CPLANE1: variants seen among roughly 807,000 people sequenced by gnomAD.
The protein encoded by CPLANE1 is ciliogenesis and planar polarity effector 1.
In CPLANE1, 263 loss-of-function variants were observed where a neutral mutation model predicts 362.5. The ratio of observed to expected loss-of-function variants is 0.73; its 90% CI spans 0.66 to 0.80. The LOEUF (loss-of-function observed/expected upper bound fraction) is 0.80, where lower values mean the gene tolerates loss of function less well. Among genes scored for constraint, CPLANE1 ranks in the 30% least tolerant of loss-of-function variants. CPLANE1 has a pLI of 0.00. For missense variants in CPLANE1, 3,461 were observed against 3,793.4 expected, an observed-to-expected ratio of 0.91 and a Z score of 2.30; for synonymous variants, 1,212 against 1,302.6, an observed-to-expected ratio of 0.93 and a Z score of 1.50.
chr5:37,229,411 C>T (rs1003288925), intron 9 of CPLANE1, among the ~76,000 whole-genome samples: 2 of 151,316 alleles, frequency 1.3e-5, no homozygotes, highest in Non-Finnish European at 2.9e-5. Flanking sequence ...TGGTGGCGGG[C>T]GCCTGTAGTC....
intron 16 of CPLANE1, chr5:37,210,009 T>C (rs1035205932): frequency 5.9e-6 from 5 of 853,406 alleles, no homozygotes; most frequent in Non-Finnish European, 9.9e-6. Context: ...GGAAGAAATA[T>C]GTCAAAAGTT....
At chr5:37,241,007 G>A (rs1246871364) in intron 6 of CPLANE1, among the ~76,000 whole-genome samples, 3 of 151,592 alleles carry the variant, frequency 2.0e-5, no homozygotes, top group Admixed American at 2.0e-4. Flanking sequence ...GTGGGGGTGC[G>A]CACCTGTAGT....
chr5:37,218,347 C>T (rs923904832), intron 15 of CPLANE1, among the ~76,000 whole-genome samples: 3 of 152,146 alleles, frequency 2.0e-5, no homozygotes, highest in Admixed American at 6.5e-5. Flanking sequence ...ATGAACTTCC[C>T]TGGTAGACTA....
intron 15 of CPLANE1, among the ~76,000 whole-genome samples, chr5:37,218,685 C>T (rs867046991): frequency 1.3e-5 from 2 of 152,144 alleles, no homozygotes; most frequent in East Asian, 1.9e-4. Flanking sequence ...CGGTGGCTCA[C>T]GCTTGTAATC....
chr5:37,242,230 T>C (rs1002451821), intron 6 of CPLANE1, among the ~76,000 whole-genome samples: 6 of 151,926 alleles, frequency 3.9e-5, no homozygotes, highest in Non-Finnish European at 8.8e-5. Context: ...GGCGGGCACC[T>C]GTAGTCCCAG....
At chr5:37,231,974 C>T (rs1797824643) in intron 8 of CPLANE1, among the ~76,000 whole-genome samples, 1 of 151,684 alleles carries the variant, frequency 6.6e-6, no homozygotes, top group African/African-American at 2.4e-5. Context: ...GAGAAATTTA[C>T]CAAAGAGAAA....
Position 37,120,329 on chromosome 5 carries a change from T to C in CPLANE1, c.9197A>G (p.His3066Arg), listed in dbSNP as rs763568516. The C allele has an allele frequency of 1.3e-6, 2 of 1,583,838 alleles. No homozygotes were observed. The highest frequency in any genetic ancestry group is 1.9e-5 in the Admixed American group (1 of 51,604). The change falls in exon 50 of 53, where the codon CAT becomes CGT. Residue 3066 changes from histidine (H) to arginine (R), a missense_variant. Physicochemically the swap from His to Arg is conservative, Grantham distance 29. This residue lies in a region of CPLANE1 where 3,380 missense variants were observed against 3,666.1 expected (regional missense o/e 0.92). Coordinates refer to ENST00000651892, the MANE Select transcript of CPLANE1 (RefSeq NM_001384732.1). ...HCPSPRGENQ[H>R]GHSFLINRPG... ...TCGATTTATTAGAAAACTGTGACCATGTTGATTCTCTCTATAGTAGAAATC... is the reference window on the plus strand; with the variant it reads ...TCGATTTATTAGAAAACTGTGACCACGTTGATTCTCTCTATAGTAGAAATC...
At chr5:37,132,343 T>TG (rs1176984903) in intron 46 of CPLANE1, among the ~76,000 whole-genome samples, 21 of 135,518 alleles carry the variant, frequency 1.5e-4, no homozygotes, top group African/African-American at 5.9e-4. Context: ...TCAAGTTTTT[T>TG]TTTTTTTTTT....
chr5:37,087,502 A>T, the CPLANE1 span, among the ~76,000 whole-genome samples: 579 of 152,226 alleles, frequency 3.8e-3, 4 homozygotes, highest in Non-Finnish European at 6.3e-3. Flanking sequence ...TGTTGCCCAG[A>T]CTGGAGTGCA....
rs56407367 is a variant in CPLANE1, at chr5:37,171,745, A to ACTCTCTCT, written c.6172-1422_6172-1415dup. Among the ~76,000 whole-genome samples, 393 of 128,390 alleles carry ACTCTCTCT rather than the reference A, an allele frequency of 3.1e-3. 1 individual carries two copies. The highest frequency in any genetic ancestry group is 4.1e-3 in the Non-Finnish European group (243 of 59,412). 84.2% of individuals were successfully genotyped at this position (128,390 alleles called of 152,430 possible). A position where few individuals can be genotyped will look rare whatever the true frequency, so the allele number is the denominator to read the frequency against. On this transcript the variant is annotated intron_variant, in intron 32 of 52. Transcript: ENST00000651892. ...TTAGTATATTTCCTTTCTCTAGCTT[A>ACTCTCTCT]CTCTCTCTCTCTCTCTCTCTCTCTC...
rs775543791 is a variant in CPLANE1, at chr5:37,245,456, TAAAC to T, written c.337+19_337+22del. 8 of 1,432,390 alleles carry T rather than the reference TAAAC, an allele frequency of 5.6e-6. No homozygotes were observed. The highest frequency in any genetic ancestry group is 4.8e-5 in the South Asian group (3 of 63,066). The allele number at this position is 1,432,390 out of a possible 1,614,324, so 88.7% of individuals were successfully genotyped here. On this transcript the variant is annotated intron_variant, in intron 4 of 52. Transcript: ENST00000651892. ...CCTATTTTTCCTAGTTAAACCAACT[TAAAC>T]AAATAAAAAAATTCCCACCGACTGT...
intron 37 of CPLANE1, 72 bp downstream of exon 37, chr5:37,164,201 T>C: frequency 8.5e-7 from 1 of 1,173,804 alleles, no homozygotes; most frequent in Non-Finnish European, 1.3e-6. Context: ...CTCATTTTCA[T>C]ATTGTACATA....
chr5:37,232,205 T>C (rs948562268), intron 8 of CPLANE1, among the ~76,000 whole-genome samples: 2 of 152,096 alleles, frequency 1.3e-5, no homozygotes, highest in African/African-American at 4.8e-5. Flanking sequence ...ACAGGATACA[T>C]ATGTAGGGAC....
At chr5:37,077,606 C>CTTTTTTTTTT in the CPLANE1 span, among the ~76,000 whole-genome samples, 1 of 75,922 alleles carries the variant, frequency 1.3e-5, no homozygotes, top group Admixed American at 1.9e-4. Context: ...GTGTGTGTGT[C>CTTTTTTTTTT]TTTTTTTTTT....
intron 12 of CPLANE1, among the ~76,000 whole-genome samples, chr5:37,225,590 G>C (rs888058502): frequency 6.6e-6 from 1 of 151,964 alleles, no homozygotes; most frequent in Non-Finnish European, 1.5e-5. Flanking sequence ...GGTGGCTCAC[G>C]CCTATAATCC....
At chr5:37,232,859 AAAAG>A (rs1177471615) in intron 8 of CPLANE1, among the ~76,000 whole-genome samples, 5 of 150,466 alleles carry the variant, frequency 3.3e-5, no homozygotes, top group Non-Finnish European at 7.4e-5. Flanking sequence ...AAAAAAAAAA[AAAAG>A]AAAGACACTC....
At chr5:37,099,195 T>A in the CPLANE1 span, among the ~76,000 whole-genome samples, 1 of 152,218 alleles carries the variant, frequency 6.6e-6, no homozygotes, top group Non-Finnish European at 1.5e-5. Flanking sequence ...TAGGTAAATG[T>A]GTGCTGTGGT....
chr5:37,236,893 AC>A (rs760948063), intron 8 of CPLANE1, among the ~76,000 whole-genome samples: 11 of 152,228 alleles, frequency 7.2e-5, no homozygotes, highest in Non-Finnish European at 1.3e-4. Flanking sequence ...AATGGCTATT[AC>A]TAAAAAGTCA....
chr5:37,184,039 T>C (rs1008595977), intron 25 of CPLANE1, among the ~76,000 whole-genome samples: 4 of 152,164 alleles, frequency 2.6e-5, no homozygotes, highest in South Asian at 2.1e-4. Flanking sequence ...ATTTTAGGAA[T>C]ACAAAGTCAA....
Sources: gnomAD v4.1 joint callset for allele counts (sites outside exome capture counted in the v4.1 genomes callset) on GRCh38, gnomAD v4.1.1 for gene constraint, gnomAD v4.1.1 regional missense constraint, MANE v1.5 for transcripts, NCBI Gene and HGNC (gene_info 2026-07-23, HGNC 2026-07-21) for gene names.